The following RPTOR variants were observed in gnomAD, a reference collection of about 807,000 sequenced individuals.
RPTOR encodes regulatory associated protein of MTOR complex 1, also known as regulatory-associated protein of mTOR.
In RPTOR, 21 loss-of-function variants were observed where a neutral mutation model predicts 169.9. The observed-to-expected ratio is 0.12, with a 90% CI of 0.09 to 0.18. The LOEUF (loss-of-function observed/expected upper bound fraction) is 0.18, where lower values mean the gene tolerates loss of function less well. RPTOR is among the 10% of genes least tolerant of loss of function. The pLI is 1.00. For missense variants in RPTOR, 1,133 were observed against 1,855.9 expected, an observed-to-expected ratio of 0.61 and a Z score of 7.16; for synonymous variants, 732 against 753.2, an observed-to-expected ratio of 0.97 and a Z score of 0.46.
Position 80,962,593 on chromosome 17 carries a change from C to A in RPTOR, c.3809+16C>A. On this transcript the variant is annotated intron_variant, in intron 32 of 33. Coordinates refer to ENST00000306801, the MANE Select transcript of RPTOR (RefSeq NM_020761.3). Reference sequence around the variant, plus strand: ...TGATCGCATGGTAGGCGCCACCCACCTCCCTGGCCTGCACCGCTCACCCGC... The same window carrying A: ...TGATCGCATGGTAGGCGCCACCCACATCCCTGGCCTGCACCGCTCACCCGC... The A allele has an allele frequency of 6.2e-7, 1 of 1,600,940 alleles. No homozygotes were observed. The highest frequency in any genetic ancestry group is 8.5e-7 in the Non-Finnish European group (1 of 1,169,932).
intron 1 of RPTOR, among the ~76,000 whole-genome samples, chr17:80,616,964 C>T (rs1008786521): frequency 5.9e-5 from 9 of 152,062 alleles, no homozygotes; most frequent in East Asian, 3.9e-4. Context: ...CAGCTGACTG[C>T]GCAGGTTATT....
chr17:80,687,143 C>T (rs554998388), intron 3 of RPTOR, among the ~76,000 whole-genome samples: 2 of 152,368 alleles, frequency 1.3e-5, no homozygotes, highest in South Asian at 2.1e-4. Context: ...CCAGCGCCTA[C>T]ACTGCAGGCC....
chr17:80,895,844 TG>T (rs1220722294), intron 20 of RPTOR, among the ~76,000 whole-genome samples: 4 of 152,248 alleles, frequency 2.6e-5, no homozygotes. Flanking sequence ...TTGATTGCAG[TG>T]AGGTTACAGC....
chr17:80,916,784 G>C (rs1268317021), intron 21 of RPTOR, among the ~76,000 whole-genome samples: 1 of 152,184 alleles, frequency 6.6e-6, no homozygotes, highest in Non-Finnish European at 1.5e-5. Context: ...CGGATCACTT[G>C]AGGCCAGGAG....
At chr17:80,942,188 G>A (rs887934990) in intron 25 of RPTOR, among the ~76,000 whole-genome samples, 3 of 151,774 alleles carry the variant, frequency 2.0e-5, no homozygotes, top group Admixed American at 6.6e-5. Flanking sequence ...GGAGGTTAGC[G>A]ATTCTCTAGG....
At chr17:80,946,225 G>C (rs1434956057) in intron 26 of RPTOR, among the ~76,000 whole-genome samples, 5 of 147,432 alleles carry the variant, frequency 3.4e-5, no homozygotes, top group Admixed American at 6.7e-5. Context: ...CCCACTTCAT[G>C]GGGGAGGGCA....
chr17:80,609,702 A>C lies in RPTOR; in HGVS notation c.163-15989A>C, dbSNP rs1048481660. Among the ~76,000 whole-genome samples, 1 of 151,494 alleles carries C rather than the reference A, an allele frequency of 6.6e-6. No individual in the cohort carries two copies. Among genetic ancestry groups the C allele is most frequent in the African/African-American group, 2.4e-5 (1 of 41,180 alleles). On this transcript the variant is annotated intron_variant, in intron 1 of 33. Coordinates refer to ENST00000306801, the MANE Select transcript of RPTOR (RefSeq NM_020761.3). This position sits in a 1 kb window ranked among gnomAD's most constrained non-coding sequence, Gnocchi z 4.8. ...GGAGGTTGCAGTGAGCTGAGATTGC[A>C]CTGCTGCACTCCAGCCTGGGCGACA... is the stretch of plus-strand genomic sequence containing the variant.
chr17:80,898,124 C>T (rs2068429080), intron 20 of RPTOR, among the ~76,000 whole-genome samples: 2 of 152,158 alleles, frequency 1.3e-5, no homozygotes, highest in Admixed American at 1.3e-4. Flanking sequence ...TTCTTTAATG[C>T]TGATAGGATT....
intron 25 of RPTOR, among the ~76,000 whole-genome samples, chr17:80,944,392 A>C (rs145413549): frequency 2.0e-5 from 3 of 152,364 alleles, no homozygotes; most frequent in African/African-American, 7.2e-5. Context: ...GACCCAGATA[A>C]ATTTGTACAA....
chr17:80,960,103 G>C lies in RPTOR; in HGVS notation c.3503G>C (p.Cys1168Ser). ...GACATCCCTACGGGCGCAGACAGCT[G>C]TGTGACGAGTCTGTCCTGTGATTCC... ...VQDIPTGADS[C>S]VTSLSCDSHR... Residue 1168 changes from cysteine to serine, a missense_variant, in exon 30 of 34, where the codon TGT (cysteine) becomes TCT (serine). By Grantham distance (112) the Cys-to-Ser change is moderately radical. Around this residue, in one of 9 missense-constraint regions of RPTOR, gnomAD observed 410 missense variants for 623.7 expected, o/e 0.66. Transcript: ENST00000306801. This position sits in a 1 kb window ranked among gnomAD's most constrained non-coding sequence, Gnocchi z 4.8. 6.2e-7 allele frequency: 1 copy of C among 1,613,650 alleles called. No homozygotes were observed. The highest frequency in any genetic ancestry group is 8.5e-7 in the Non-Finnish European group (1 of 1,179,980).
chr17:80,550,317 TG>T (rs2084329209), intron 1 of RPTOR, among the ~76,000 whole-genome samples: 1 of 152,228 alleles, frequency 6.6e-6, no homozygotes, highest in Admixed American at 6.5e-5. Flanking sequence ...TTTCCTCACT[TG>T]CTTCTGTGTC....
intron 12 of RPTOR, among the ~76,000 whole-genome samples, chr17:80,855,845 C>T (rs973580313): frequency 3.3e-5 from 5 of 152,152 alleles, no homozygotes; most frequent in African/African-American, 9.7e-5. Context: ...TTTCCTGAGC[C>T]GCCCCCAGCG....
intron 1 of RPTOR, among the ~76,000 whole-genome samples, chr17:80,584,204 G>T (rs930355979): frequency 5.9e-5 from 9 of 152,148 alleles, no homozygotes; most frequent in Non-Finnish European, 1.3e-4. Flanking sequence ...GTCCTGACTT[G>T]AATTGCACTT....
At chr17:80,554,793 T>C (rs9892155) in intron 1 of RPTOR, among the ~76,000 whole-genome samples, 2 of 150,500 alleles carry the variant, frequency 1.3e-5, no homozygotes, top group Admixed American at 1.3e-4. Context: ...ACAAAAAAAA[T>C]GAGAATCCAG....
chr17:80,880,924 GAGGAA>G, intron 14 of RPTOR, among the ~76,000 whole-genome samples: 1 of 152,308 alleles, frequency 6.6e-6, no homozygotes, highest in Admixed American at 6.5e-5. Flanking sequence ...GGAAGGGAGA[GAGGAA>G]AGGAAGGAAA....
rs1227430053 is a variant in RPTOR, at chr17:80,885,152, C to T, written c.1983+4C>T. ...CGGGAGCCCCATGGTCCGGAAGGTGCGTGAACCCCCAGCCCGGCAGCAGCA... is the reference window on the plus strand; with the variant it reads ...CGGGAGCCCCATGGTCCGGAAGGTGTGTGAACCCCCAGCCCGGCAGCAGCA... On this transcript the variant is annotated splice_donor_region_variant and intron_variant, in intron 17 of 33. Coordinates refer to ENST00000306801, the MANE Select transcript of RPTOR (RefSeq NM_020761.3). 12 of 1,551,976 alleles carry T rather than the reference C, an allele frequency of 7.7e-6. No individual in the cohort carries two copies. The highest frequency in any genetic ancestry group is 1.4e-5 in the African/African-American group (1 of 73,278).
At chr17:80,811,714 A>G (rs1460204714) in intron 7 of RPTOR, among the ~76,000 whole-genome samples, 1 of 148,182 alleles carries the variant, frequency 6.7e-6, no homozygotes, top group Admixed American at 6.7e-5. Flanking sequence ...ACCTCACTCT[A>G]CCCAAGGGAC....
intron 1 of RPTOR, among the ~76,000 whole-genome samples, chr17:80,573,895 A>T (rs1181380477): frequency 2.0e-5 from 3 of 152,210 alleles, no homozygotes; most frequent in Non-Finnish European, 4.4e-5. Context: ...TTCCCCATTT[A>T]TCTTAACTGG....
At chr17:80,685,623 A>T (rs369727538) in intron 3 of RPTOR, among the ~76,000 whole-genome samples, 6,318 of 25,976 alleles carry the variant, frequency 0.24, 510 homozygotes, top group South Asian at 0.36. Context: ...ATATATATAT[A>T]TATATTTTTT....
Sources: gnomAD v4.1 joint callset for allele counts (sites outside exome capture counted in the v4.1 genomes callset) on GRCh38, gnomAD v4.1.1 for gene constraint, gnomAD v4.1.1 regional missense constraint, Gnocchi (gnomAD v3.1) non-coding constraint, MANE v1.5 for transcripts, NCBI Gene and HGNC (gene_info 2026-07-23, HGNC 2026-07-21) for gene names.